Variants in CDC16 observed in about 807,000 individuals in gnomAD.
CDC16 encodes cell division cycle 16.
Under a neutral mutation model 87.0 loss-of-function variants are expected in CDC16, and 34 were observed. The observed-to-expected ratio is 0.39, with a 90% CI of 0.30 to 0.52. The LOEUF (loss-of-function observed/expected upper bound fraction) is 0.52, where lower values mean the gene tolerates loss of function less well. CDC16 is among the 20% of genes least tolerant of loss of function. The pLI is 0.74. For missense variants in CDC16, 653 were observed against 751.9 expected, an observed-to-expected ratio of 0.87 and a Z score of 1.54; for synonymous variants, 263 against 260.6, an observed-to-expected ratio of 1.01 and a Z score of -0.09.
chr13:114,271,778 G>A (rs2083692602), intron 17 of CDC16, among the ~76,000 whole-genome samples: 1 of 152,082 alleles, frequency 6.6e-6, no homozygotes, highest in Admixed American at 6.6e-5. Flanking sequence ...ACCGCGCCTG[G>A]CCACACAGTG....
intron 11 of CDC16, among the ~76,000 whole-genome samples, chr13:114,249,398 C>T (rs1314623833): frequency 6.6e-6 from 1 of 151,934 alleles, no homozygotes; most frequent in Non-Finnish European, 1.5e-5. Flanking sequence ...GCCTGCCACT[C>T]ACCTCCTGCT....
Position 114,272,288 on chromosome 13 carries a change from G to A in CDC16, c.1708G>A (p.Val570Ile). 1 of 1,614,192 alleles carries A rather than the reference G, an allele frequency of 6.2e-7. No homozygotes were observed. The highest frequency in any genetic ancestry group is 8.5e-7 in the Non-Finnish European group (1 of 1,179,986). Residue 570 changes from valine (V) to isoleucine (I), a missense_variant, in exon 18 of 18, where the codon GTA (valine) becomes ATA (isoleucine). Val to Ile is a conservative substitution (Grantham distance 29). Coordinates refer to ENST00000356221, the MANE Select transcript of CDC16 (RefSeq NM_001078645.3). ...SPPWDFREFE[V>I]EKQTAEETGL... Reference sequence around the variant, plus strand: ...TCCGTGGGATTTCAGGGAATTTGAAGTAGAAAAACAGACTGCAGAAGAAAC... The same window carrying A: ...TCCGTGGGATTTCAGGGAATTTGAAATAGAAAAACAGACTGCAGAAGAAAC...
intron 17 of CDC16, among the ~76,000 whole-genome samples, chr13:114,267,641 A>G (rs1460715682): frequency 4.6e-5 from 7 of 152,216 alleles, no homozygotes; most frequent in African/African-American, 9.7e-5. Flanking sequence ...ATGATACAAT[A>G]TAGGTTGTTT....
chr13:114,248,646 A>G lies in CDC16; in HGVS notation c.971+1642A>G, dbSNP rs17291278. Among the ~76,000 whole-genome samples the G allele has an allele frequency of 8.3e-3, 1,260 of 151,480 alleles. 64 individuals are homozygous for G. The highest frequency in any genetic ancestry group is 0.062 in the Admixed American group (940 of 15,152). ...TAGTGAGCTGAGATTGCACTACTGC[A>G]CTCCAGCCTCGCCGACAGAGTGAGA... On this transcript the variant is annotated intron_variant, in intron 11 of 17. Coordinates refer to ENST00000356221, the MANE Select transcript of CDC16 (RefSeq NM_001078645.3).
At chr13:114,267,420 G>A (rs1343022564) in intron 17 of CDC16, among the ~76,000 whole-genome samples, 1 of 152,068 alleles carries the variant, frequency 6.6e-6, no homozygotes, top group Non-Finnish European at 1.5e-5. Flanking sequence ...AGAATCACTT[G>A]AACCCGGGAG....
intron 5 of CDC16, among the ~76,000 whole-genome samples, chr13:114,241,748 C>G (rs938348306): frequency 6.6e-6 from 1 of 152,056 alleles, no homozygotes; most frequent in Non-Finnish European, 1.5e-5. Context: ...ACACAATTCT[C>G]TATCAAAAGT....
chr13:114,255,476 A>G (rs1240863851), intron 12 of CDC16, among the ~76,000 whole-genome samples: 1 of 152,212 alleles, frequency 6.6e-6, no homozygotes, highest in African/African-American at 2.4e-5. Context: ...CTGAAAATCC[A>G]AAGTTCAAAA....
chr13:114,247,892 ATAAT>A (rs1396819844), intron 11 of CDC16, among the ~76,000 whole-genome samples: 5 of 152,282 alleles, frequency 3.3e-5, no homozygotes, highest in East Asian at 1.9e-4. Flanking sequence ...AATAATAATA[ATAAT>A]TAATAAATGA....
At chr13:114,256,565 G>A (rs2082510553) in intron 12 of CDC16, among the ~76,000 whole-genome samples, 1 of 152,152 alleles carries the variant, frequency 6.6e-6, no homozygotes, top group South Asian at 2.1e-4. Flanking sequence ...CTCAGAAGGT[G>A]GGAAAATTGA....
chr13:114,258,498 T>C (rs1482315607), intron 13 of CDC16, among the ~76,000 whole-genome samples: 1 of 152,234 alleles, frequency 6.6e-6, no homozygotes, highest in Non-Finnish European at 1.5e-5. Context: ...ATCCCCAAGC[T>C]TAGTGAAATG....
At chr13:114,271,511 G>A (rs2139240284) in intron 17 of CDC16, among the ~76,000 whole-genome samples, 1 of 152,114 alleles carries the variant, frequency 6.6e-6, no homozygotes, top group Non-Finnish European at 1.5e-5. Flanking sequence ...ATCTCACTCT[G>A]TTGCCCAGGC....
At chr13:114,248,835 TAGAA>T (rs1380124900) in intron 11 of CDC16, among the ~76,000 whole-genome samples, 7 of 152,036 alleles carry the variant, frequency 4.6e-5, no homozygotes, top group Admixed American at 1.3e-4. Context: ...AACTTCTACA[TAGAA>T]AGATGATTAG....
chr13:114,240,646 C>T (rs1343476487), intron 5 of CDC16, among the ~76,000 whole-genome samples: 1 of 152,212 alleles, frequency 6.6e-6, no homozygotes, highest in African/African-American at 2.4e-5. Context: ...TCATGAGCCA[C>T]TGCACCTGGC....
intron 17 of CDC16, among the ~76,000 whole-genome samples, chr13:114,267,930 T>C (rs1346934590): frequency 6.6e-6 from 1 of 152,196 alleles, no homozygotes; most frequent in Non-Finnish European, 1.5e-5. Context: ...TGCCCTCAGT[T>C]ACCAAGGAGC....
chr13:114,264,612 ACTT>A (rs943068150), intron 16 of CDC16, among the ~76,000 whole-genome samples: 16 of 151,698 alleles, frequency 1.1e-4, no homozygotes, highest in African/African-American at 2.9e-4. Context: ...TGGAGATAGA[ACTT>A]CTTTTTTTTC....
At chr13:114,242,494 G>A in intron 6 of CDC16, 2 of 518,408 alleles carry the variant, frequency 3.9e-6, no homozygotes, top group Non-Finnish European at 6.8e-6. Context: ...GATAGGAAGA[G>A]GCCATCTTTT....
At chr13:114,255,045 A>G (rs912072653) in intron 12 of CDC16, among the ~76,000 whole-genome samples, 3 of 152,198 alleles carry the variant, frequency 2.0e-5, no homozygotes, top group Non-Finnish European at 4.4e-5. Context: ...TCTACCTGTT[A>G]CCTGGAAGCC....
At chr13:114,245,003 G>GTTTTATTA (rs2081778708) in intron 9 of CDC16, 34 bp downstream of exon 9, 1 of 1,248,906 alleles carries the variant, frequency 8.0e-7, no homozygotes, top group South Asian at 1.3e-5. Context: ...GTAATTCTTA[G>GTTTTATTA]ACATAAAACA....
In CDC16 at chr13:114,257,089, C is replaced by A; in HGVS notation, c.1109C>A (p.Pro370His). ...TTCCAATTTTTTAGGTGTCATTTGCCTATGCTGTATATTGGATTAGAATAT... is the reference window on the plus strand; with the variant it reads ...TTCCAATTTTTTAGGTGTCATTTGCATATGCTGTATATTGGATTAGAATAT... The part of the protein sequence containing the change: ...AAQLMKGCHL[P>H]MLYIGLEYGL... The change falls in exon 13 of 18, where the codon CCT becomes CAT. Residue 370 changes from proline to histidine, a missense_variant. Transcript: ENST00000356221. The A allele has an allele frequency of 1.3e-6, 2 of 1,563,890 alleles. No homozygotes were observed. Among genetic ancestry groups the A allele is most frequent in the Non-Finnish European group, 1.7e-6 (2 of 1,148,026 alleles).
Sources: gnomAD v4.1 joint callset for allele counts (sites outside exome capture counted in the v4.1 genomes callset) on GRCh38, gnomAD v4.1.1 for gene constraint, MANE v1.5 for transcripts, NCBI Gene and HGNC (gene_info 2026-07-23, HGNC 2026-07-21) for gene names.